Variants in GOPC observed in about 807,000 individuals in gnomAD.
The protein encoded by GOPC is golgi associated PDZ and coiled-coil motif containing.
Under a neutral mutation model 51.2 loss-of-function variants are expected in GOPC, and 32 were observed. The ratio of observed to expected loss-of-function variants is 0.63; its 90% CI spans 0.47 to 0.84. The LOEUF is 0.84. Among genes scored for constraint, GOPC ranks in the 40% least tolerant of loss-of-function variants. The pLI, the probability that GOPC is intolerant of heterozygous loss-of-function variation, is 0.00. For missense variants in GOPC, 441 were observed against 555.5 expected (o/e 0.79, Z 2.07); for synonymous variants, 190 against 205.1 (o/e 0.93, Z 0.63).
chr6:117,572,734 T>C (rs1779823828), intron 5 of GOPC, among the ~76,000 whole-genome samples: 1 of 152,198 alleles, frequency 6.6e-6, no homozygotes, highest in Non-Finnish European at 1.5e-5. Context: ...TAGAAAACAA[T>C]GGCATAAGTG....
chr6:117,582,549 C>G (rs1437940305), intron 1 of GOPC, among the ~76,000 whole-genome samples: 1 of 151,346 alleles, frequency 6.6e-6, no homozygotes, highest in Non-Finnish European at 1.5e-5. Context: ...CCAGACTCAG[C>G]CAGTAGAGAG....
intron 7 of GOPC, among the ~76,000 whole-genome samples, chr6:117,568,404 C>T (rs1779741509): frequency 6.6e-6 from 1 of 152,168 alleles, no homozygotes; most frequent in African/African-American, 2.4e-5. Context: ...TCTTCTTTCC[C>T]AGCAGTTTAA....
chr6:117,573,413 G>C (rs1779834649), intron 5 of GOPC, 54 bp downstream of exon 5: 1 of 1,561,566 alleles, frequency 6.4e-7, no homozygotes, highest in South Asian at 1.2e-5. Context: ...AAGCAACTGT[G>C]ATTAAAGAAA....
intron 1 of GOPC, among the ~76,000 whole-genome samples, chr6:117,583,259 A>T (rs1779986232): frequency 6.6e-6 from 1 of 152,232 alleles, no homozygotes; most frequent in Non-Finnish European, 1.5e-5. Context: ...TGGGCTGAGT[A>T]AACAGGGCAC....
chr6:117,592,303 G>A (rs1481607942), intron 1 of GOPC, among the ~76,000 whole-genome samples: 2 of 152,074 alleles, frequency 1.3e-5, no homozygotes, highest in Non-Finnish European at 2.9e-5. Context: ...GGAGGCAGAG[G>A]TTGCAGTGAG....
At position 117,569,747 on chromosome 6, in the gene GOPC, C is replaced by T; in HGVS notation, c.913-11G>A. On this transcript the variant is annotated splice_polypyrimidine_tract_variant and intron_variant, in intron 6 of 8. Transcript: ENST00000368498. ...ATGTTCTTTCCCACCCTAACAACAA[C>T]AAAGGGCAGTAAATTAAAGTACTCT... 6.4e-7 allele frequency: 1 copy of T among 1,568,246 alleles called. No homozygotes were observed. The highest frequency in any genetic ancestry group is 1.4e-5 in the African/African-American group (1 of 72,444).
At chr6:117,563,630 G>A (rs1028078566) in intron 8 of GOPC, among the ~76,000 whole-genome samples, 2 of 152,012 alleles carry the variant, frequency 1.3e-5, no homozygotes, top group African/African-American at 4.8e-5. Context: ...ACTGAGGAAG[G>A]AGAATCACTT....
At chr6:117,601,058 G>C (rs755085439) in intron 1 of GOPC, among the ~76,000 whole-genome samples, 29 of 152,064 alleles carry the variant, frequency 1.9e-4, no homozygotes, top group Non-Finnish European at 2.9e-4. Context: ...TGATTTCTTA[G>C]GAAAGCATGT....
In GOPC at chr6:117,566,989, C is replaced by T; in HGVS notation, c.1123G>A (p.Asp375Asn). 1 of 1,609,696 alleles carries T rather than the reference C, an allele frequency of 6.2e-7. No individual in the cohort carries two copies. The highest frequency in any genetic ancestry group is 8.5e-7 in the Non-Finnish European group (1 of 1,178,342). Residue 375 changes from aspartate (D) to asparagine (N), a missense_variant, in exon 8 of 9, where the codon GAT (aspartate) becomes AAT (asparagine). Physicochemically the swap from Asp to Asn is conservative, Grantham distance 23. Coordinates refer to ENST00000368498, the MANE Select transcript of GOPC (RefSeq NM_020399.4). ...TACTCTACGTTTTCATCATCAGAAT[C>T]CACTTCAGGAGCCACATAAACTACT... ...FEVVYVAPEV[D>N]SDDENVEYED...
intron 5 of GOPC, 108 bp from the exon 6 acceptor site, chr6:117,571,063 G>A (rs745860013): frequency 2.5e-4 from 119 of 474,348 alleles, no homozygotes; most frequent in Non-Finnish European, 3.7e-4. Context: ...TTAACTTCCT[G>A]GAATGGATAA....
chr6:117,588,434 C>T (rs1286861902), intron 1 of GOPC, among the ~76,000 whole-genome samples: 1 of 151,942 alleles, frequency 6.6e-6, no homozygotes, highest in East Asian at 1.9e-4. Flanking sequence ...CGCCACCACG[C>T]CCAGCTAATT....
chr6:117,586,727 C>A (rs1263715323), intron 1 of GOPC, among the ~76,000 whole-genome samples: 2 of 151,808 alleles, frequency 1.3e-5, no homozygotes, highest in Non-Finnish European at 2.9e-5. Flanking sequence ...GTGATCCGCC[C>A]GCCTCAGCCT....
chr6:117,599,254 G>C (rs1771947666), intron 1 of GOPC, among the ~76,000 whole-genome samples: 1 of 152,094 alleles, frequency 6.6e-6, no homozygotes, highest in South Asian at 2.1e-4. Context: ...TGTCACGTTT[G>C]TCATATTAAA....
intron 7 of GOPC, among the ~76,000 whole-genome samples, chr6:117,567,933 G>A (rs375091381): frequency 2.0e-5 from 3 of 149,496 alleles, no homozygotes; most frequent in East Asian, 4.0e-4. Context: ...GCTTACACCT[G>A]TAATCCCAGC....
Position 117,569,668 on chromosome 6 carries a change from G to A in GOPC, c.981C>T (p.Cys327=), listed in dbSNP as rs149907550. 128 of 1,611,072 alleles carry A rather than the reference G, an allele frequency of 7.9e-5. No homozygotes were observed. Among genetic ancestry groups the A allele is most frequent in the Admixed American group, 5.2e-4 (31 of 59,360 alleles). The change falls in exon 7 of 9, where the codon TGC becomes TGT. Residue 327 remains cysteine, a synonymous_variant. Coordinates refer to ENST00000368498, the MANE Select transcript of GOPC (RefSeq NM_020399.4). ...EIHPGQPADR[C]GGLHVGDAIL... ...TAGCATCCCCAACGTGCAGCCCTCC[G>A]CATCTATCAGCAGGTTGCCCCGGAT... is the stretch of plus-strand genomic sequence containing the variant.
At chr6:117,575,121 T>A in intron 4 of GOPC, 56 bp downstream of exon 4, 2 of 1,295,442 alleles carry the variant, frequency 1.5e-6, no homozygotes, top group Middle Eastern at 1.9e-4. Flanking sequence ...AGAGTCAACC[T>A]CATTAAATAT....
rs145347400 is a variant in GOPC at position 117,572,648 on chromosome 6, CT to C, written c.816+818del. Among the ~76,000 whole-genome samples, 1,048 of 152,294 alleles carry C rather than the reference CT, an allele frequency of 6.9e-3. 31 individuals carry two copies. The highest frequency in any genetic ancestry group is 0.052 in the Admixed American group (789 of 15,290). ...ATCACTCAGACACATCTGATACAAA[CT>C]ACTTTGTCTTCCTCCTAACCGCTCC... On this transcript the variant is annotated intron_variant, in intron 5 of 8. Coordinates refer to ENST00000368498, the MANE Select transcript of GOPC (RefSeq NM_020399.4).
Position 117,571,025 on chromosome 6 carries a change from C to A in GOPC, c.817-70G>T. 3 of 659,308 alleles carry A rather than the reference C, an allele frequency of 4.6e-6. No individual in the cohort carries two copies. In the South Asian group the frequency reaches 6.9e-5, roughly 15 times the overall value. 40.8% of individuals were successfully genotyped at this position (659,308 alleles called of 1,614,324 possible). A position where few individuals can be genotyped will look rare whatever the true frequency, so the allele number is the denominator to read the frequency against. Reference sequence around the variant, plus strand: ...GCATACCAAATAGAGTAAACTCATACTATATAACTTGCTTTTAGAAATCTG... The same window carrying A: ...GCATACCAAATAGAGTAAACTCATAATATATAACTTGCTTTTAGAAATCTG... On this transcript the variant is annotated intron_variant, in intron 5 of 8. Transcript: ENST00000368498.
At position 117,561,898 on chromosome 6, in the gene GOPC, G is replaced by A. The variant is rs1779591000; in HGVS notation, c.*1356C>T. 1 of 206,684 alleles carries A rather than the reference G, an allele frequency of 4.8e-6. No individual in the cohort carries two copies. Among genetic ancestry groups the A allele is most frequent in the African/African-American group, 2.3e-5 (1 of 43,814 alleles). The allele number at this position is 206,684 out of a possible 1,614,324, so 12.8% of individuals were successfully genotyped here. ...CTTGAACAAATATATAGTGTATCTG[G>A]GAAAGCCAAAAAAAATGTGTTTTAT... On this transcript the variant is annotated 3_prime_UTR_variant, in exon 9 of 9. Coordinates refer to ENST00000368498, the MANE Select transcript of GOPC (RefSeq NM_020399.4).
Sources: gnomAD v4.1 joint callset for allele counts (sites outside exome capture counted in the v4.1 genomes callset) on GRCh38, gnomAD v4.1.1 for gene constraint, MANE v1.5 for transcripts, NCBI Gene and HGNC (gene_info 2026-07-23, HGNC 2026-07-21) for gene names.